Variants in TMED10 observed in about 807,000 individuals in gnomAD.
TMED10 encodes transmembrane emp24 domain-containing protein 10.
In TMED10, 7 loss-of-function variants were observed where a neutral mutation model predicts 23.1. That is an observed-to-expected ratio of 0.30 (90% CI 0.17 to 0.57). The LOEUF is 0.57. TMED10 is among the 20% of genes least tolerant of loss of function. TMED10 has a pLI of 0.91. For synonymous variants in TMED10, 113 were observed against 106.9 expected (o/e 1.06, Z -0.35); for missense variants, 162 against 274.8 (o/e 0.59, Z 2.90).
At position 75,171,237 on chromosome 14, in the gene TMED10, G is replaced by A. The variant is rs568636942; in HGVS notation, c.225+5118C>T. ...AGGAACAAAGCAGAGGATGGAAAAG[G>A]GAAGGAAAGGGAGAGAGTTAAAGAT... On this transcript the variant is annotated intron_variant, in intron 1 of 4. Transcript: ENST00000303575. Among the ~76,000 whole-genome samples the A allele has an allele frequency of 9.2e-5, 14 of 152,146 alleles. No homozygotes were observed. The East Asian group carries it at 1.4e-3, about 15-fold the overall frequency.
chr14:75,168,172 C>A (rs574396217), intron 1 of TMED10, among the ~76,000 whole-genome samples: 1 of 152,206 alleles, frequency 6.6e-6, no homozygotes, highest in South Asian at 2.1e-4. Flanking sequence ...CACTCAAACA[C>A]CCTTTAACCC....
intron 3 of TMED10, among the ~76,000 whole-genome samples, chr14:75,139,343 A>G (rs542772663): frequency 7.2e-6 from 1 of 139,308 alleles, no homozygotes; most frequent in Non-Finnish European, 1.6e-5. Flanking sequence ...CACAGCTAGT[A>G]TTCCACATTG....
At chr14:75,137,441 G>A (rs1351020611) in intron 3 of TMED10, among the ~76,000 whole-genome samples, 2 of 149,692 alleles carry the variant, frequency 1.3e-5, no homozygotes, top group Admixed American at 6.6e-5. Context: ...GGGAGGCCGA[G>A]GTGGGTGGAA....
rs2139827192 is a variant in TMED10 at position 75,133,255 on chromosome 14, TATCTAGG to T, written c.*1623_*1629del. ...AACCACATATCTAACAGAGGAATTT[TATCTAGG>T]ATATATAAAAAACCTCTCAAAACTC... On this transcript the variant is annotated 3_prime_UTR_variant, in exon 5 of 5. Transcript: ENST00000303575. 6.6e-6 allele frequency: 1 copy of T among 152,342 alleles called. No individual in the cohort carries two copies. The highest frequency in any genetic ancestry group is 2.4e-5 in the African/African-American group (1 of 41,570). 9.4% of individuals were successfully genotyped at this position (152,342 alleles called of 1,614,324 possible).
At chr14:75,143,933 CAA>C (rs5809695) in intron 3 of TMED10, among the ~76,000 whole-genome samples, 9 of 126,186 alleles carry the variant, frequency 7.1e-5, no homozygotes, top group Admixed American at 1.7e-4. Context: ...TACTCTGTCT[CAA>C]AAAAAAAAAA....
At chr14:75,143,160 G>A (rs1386813252) in intron 3 of TMED10, among the ~76,000 whole-genome samples, 1 of 151,896 alleles carries the variant, frequency 6.6e-6, no homozygotes, top group African/African-American at 2.4e-5. Context: ...CGCCCAGCCT[G>A]CATCTATTTT....
rs890177435 is a variant in TMED10, at chr14:75,133,090, C to T, written c.*1795G>A. 4 of 152,136 alleles carry T rather than the reference C, an allele frequency of 2.6e-5. No homozygotes were observed. Among genetic ancestry groups the T allele is most frequent in the African/African-American group, 7.2e-5 (3 of 41,420 alleles). 9.4% of individuals were successfully genotyped at this position (152,136 alleles called of 1,614,324 possible). On this transcript the variant is annotated 3_prime_UTR_variant, in exon 5 of 5. Coordinates refer to ENST00000303575, the MANE Select transcript of TMED10 (RefSeq NM_006827.6). ...AAGTATTTACTCTCTTAATGGCCCTCGATGTCTATTTTATACATCATATCT... is the reference window on the plus strand; with the variant it reads ...AAGTATTTACTCTCTTAATGGCCCTTGATGTCTATTTTATACATCATATCT...
intron 2 of TMED10, among the ~76,000 whole-genome samples, chr14:75,150,029 G>C (rs569042873): frequency 6.6e-6 from 1 of 152,220 alleles, no homozygotes; most frequent in Admixed American, 6.5e-5. Context: ...CTTGAACCCG[G>C]TAAAGTTGCA....
intron 1 of TMED10, among the ~76,000 whole-genome samples, chr14:75,154,401 CAAAA>C (rs1166201835): frequency 1.3e-4 from 2 of 15,250 alleles, no homozygotes; most frequent in East Asian, 3.1e-3. Context: ...GACTCTGTCT[CAAAA>C]AAAAAAAAAA....
chr14:75,171,731 A>G lies in TMED10; in HGVS notation c.225+4624T>C, dbSNP rs1896236582. ...CAAAACCCTGATTTTAGGACTTCTGACCTTCAGAACGATTAAGACAAATCC... is the reference window on the plus strand; with the variant it reads ...CAAAACCCTGATTTTAGGACTTCTGGCCTTCAGAACGATTAAGACAAATCC... On this transcript the variant is annotated intron_variant, in intron 1 of 4. Transcript: ENST00000303575. Among the ~76,000 whole-genome samples the G allele has an allele frequency of 3.9e-5, 6 of 152,300 alleles. No individual in the cohort carries two copies. In the South Asian group the frequency reaches 1.2e-3, roughly 32 times the overall value.
Position 75,176,412 on chromosome 14 carries a change from G to A in TMED10, c.168C>T (p.Gly56=). The A allele has an allele frequency of 1.2e-6, 2 of 1,614,232 alleles. No homozygotes were observed. The highest frequency in any genetic ancestry group is 2.2e-5 in the East Asian group (1 of 44,890). Residue 56 remains glycine (G), a synonymous_variant, in exon 1 of 5, where the codon GGC becomes GGT. Transcript: ENST00000303575. ...EEIHKDLLVT[G]AYEISDQSGG... ...CAGACTGGTCGGAGATCTCGTACGC[G>A]CCAGTCACTAGCAGGTCCTTGTGAA...
chr14:75,152,036 G>A lies in TMED10; in HGVS notation c.333C>T (p.Ser111=). The A allele has an allele frequency of 1.2e-6, 2 of 1,613,190 alleles. No homozygotes were observed. Among genetic ancestry groups the A allele is most frequent in the Non-Finnish European group, 1.7e-6 (2 of 1,179,312 alleles). Residue 111 remains serine (S), a synonymous_variant, in exon 2 of 5, where the codon AGC becomes AGT. Coordinates refer to ENST00000303575, the MANE Select transcript of TMED10 (RefSeq NM_006827.6). The part of the protein sequence containing the change: ...DYDMFEVCFE[S]KGTGRIPDQL... ...GAAACACTCTTGATTACTCACCCTT[G>A]CTCTCAAAACACACTTCAAACATGT...
chr14:75,138,812 C>CTTTTTTTTTTTTTTTTTTTTTTTTTTTT (rs59707221), intron 3 of TMED10, among the ~76,000 whole-genome samples: 1 of 95,052 alleles, frequency 1.1e-5, no homozygotes, highest in Non-Finnish European at 2.1e-5. Context: ...GCCTTTGCTT[C>CTTTTTTTTTTTTTTTTTTTTTTTTTTTT]TTTTTTTTTT....
chr14:75,172,929 T>A (rs1247431641), intron 1 of TMED10, among the ~76,000 whole-genome samples: 1 of 152,176 alleles, frequency 6.6e-6, no homozygotes, highest in Non-Finnish European at 1.5e-5. Flanking sequence ...CCAAACCATT[T>A]TATTGAGGAA....
intron 1 of TMED10, among the ~76,000 whole-genome samples, chr14:75,153,978 G>C (rs551758360): frequency 6.6e-6 from 1 of 151,058 alleles, no homozygotes; most frequent in African/African-American, 2.4e-5. Context: ...CCCTGTGTTG[G>C]CCAGGATGGT....
Position 75,147,747 on chromosome 14 carries a change from A to C in TMED10, c.338-10T>G. 3 of 1,614,008 alleles carry C rather than the reference A, an allele frequency of 1.9e-6. 1 individual carries two copies. The South Asian group carries it at 3.3e-5, about 18-fold the overall frequency. ...GGTATCCGCCCTGTTCCTGAGAAAG[A>C]AATCAAAGGAATCATTGTGTGAAAT... On this transcript the variant is annotated splice_polypyrimidine_tract_variant and intron_variant, in intron 2 of 4. Transcript: ENST00000303575.
intron 1 of TMED10, among the ~76,000 whole-genome samples, chr14:75,171,671 C>T (rs1356315007): frequency 2.2e-5 from 1 of 45,840 alleles, no homozygotes; most frequent in African/African-American, 8.5e-5. Context: ...CCCCACCCCA[C>T]TCCCAAAAAG....
At chr14:75,157,766 C>T (rs1896037853) in intron 1 of TMED10, among the ~76,000 whole-genome samples, 1 of 151,868 alleles carries the variant, frequency 6.6e-6, no homozygotes, top group Non-Finnish European at 1.5e-5. Context: ...GTGGCGAAAC[C>T]CCGTCTCTAC....
At chr14:75,144,752 C>T (rs117194725) in intron 3 of TMED10, among the ~76,000 whole-genome samples, 2,935 of 152,230 alleles carry the variant, frequency 0.019, 36 homozygotes, top group Non-Finnish European at 0.032. Context: ...GAAATTAAAT[C>T]GTTCAAGTGA....
Sources: gnomAD v4.1 joint callset for allele counts (sites outside exome capture counted in the v4.1 genomes callset) on GRCh38, gnomAD v4.1.1 for gene constraint, MANE v1.5 for transcripts, NCBI Gene and HGNC (gene_info 2026-07-23, HGNC 2026-07-21) for gene names.